Variants in KCNQ1 observed in about 807,000 individuals in gnomAD.
The protein encoded by KCNQ1 is potassium voltage-gated channel subfamily KQT member 1.
KCNQ1 carries 49 observed loss-of-function variants against 72.4 expected under a neutral mutation model. The ratio of observed to expected loss-of-function variants is 0.68; its 90% CI spans 0.54 to 0.86. The LOEUF is 0.86. Among genes scored for constraint, KCNQ1 ranks in the 40% least tolerant of loss-of-function variants. The pLI is 0.00. For synonymous variants in KCNQ1, 450 were observed against 412.6 expected (o/e 1.09, Z -1.10); for missense variants, 790 against 945.1 (o/e 0.84, Z 2.15).
Position 2,494,103 on chromosome 11 carries a change from G to C in KCNQ1, c.387-33825G>C, listed in dbSNP as rs1846874445. ...TATTCCTAGGTATTTTCTTCTCTTT[G>C]TAGCAATTATGAATGGGGATTCACT... On this transcript the variant is annotated intron_variant, in intron 1 of 15. Coordinates refer to ENST00000155840, the MANE Select transcript of KCNQ1 (RefSeq NM_000218.3). The surrounding 1 kb of genome is among the most constrained non-coding windows in gnomAD (Gnocchi z 4.6). 6.6e-6 allele frequency among the ~76,000 whole-genome samples: 1 copy of C among 151,828 alleles called. No homozygotes were observed. Among genetic ancestry groups the C allele is most frequent in the African/African-American group, 2.4e-5 (1 of 41,316 alleles).
rs1267988634 is a variant in KCNQ1 at position 2,783,082 on chromosome 11, T to G, written c.1794+5045T>G. 2.6e-5 allele frequency among the ~76,000 whole-genome samples: 4 copies of G among 152,220 alleles called. No homozygotes were observed. The highest frequency in any genetic ancestry group is 9.6e-5 in the African/African-American group (4 of 41,474). ...TGTCAATCTCATGGCTTTCTAAATT[T>G]TTAAGGTATGCATTTAAGGTTATAA... is the stretch of plus-strand genomic sequence containing the variant. On this transcript the variant is annotated intron_variant, in intron 15 of 15. Coordinates refer to ENST00000155840, the MANE Select transcript of KCNQ1 (RefSeq NM_000218.3). This position sits in a 1 kb window ranked among gnomAD's most constrained non-coding sequence, Gnocchi z 5.2.
At chr11:2,606,630 C>T (rs1390375511) in intron 10 of KCNQ1, among the ~76,000 whole-genome samples, 1 of 152,126 alleles carries the variant, frequency 6.6e-6, no homozygotes, top group Admixed American at 6.5e-5. Context: ...GAACTGTGAG[C>T]CAATTAAAAT....
intron 10 of KCNQ1, chr11:2,629,610 A>G (rs1267967101): frequency 5.0e-6 from 2 of 398,394 alleles, no homozygotes; most frequent in East Asian, 3.6e-5. Context: ...TTGAATGGAC[A>G]TGGCATGCTT....
chr11:2,733,829 C>T lies in KCNQ1; in HGVS notation c.1515-35015C>T, dbSNP rs556723767. On this transcript the variant is annotated intron_variant, in intron 11 of 15. Transcript: ENST00000155840. ...ACACACACACACTCTCTCACTCTCT[C>T]TCTCTCTCTCTCTCTCTCTCTCTCT... 7.6e-3 allele frequency among the ~76,000 whole-genome samples: 271 copies of T among 35,800 alleles called. 3 individuals carry two copies. Among genetic ancestry groups the T allele is most frequent in the Non-Finnish European group, 0.012 (215 of 17,306 alleles). 23.5% of individuals were successfully genotyped at this position (35,800 alleles called of 152,430 possible).
chr11:2,792,442 C>A (rs1157377530), intron 15 of KCNQ1, among the ~76,000 whole-genome samples: 1 of 152,150 alleles, frequency 6.6e-6, no homozygotes, highest in Non-Finnish European at 1.5e-5. Flanking sequence ...AGGTGGAAAG[C>A]GCCAGGTGGA....
At chr11:2,790,070 C>T (rs763027112) in intron 15 of KCNQ1, among the ~76,000 whole-genome samples, 4 of 152,178 alleles carry the variant, frequency 2.6e-5, no homozygotes, top group Non-Finnish European at 4.4e-5. Context: ...CCTTTGACCA[C>T]CAGGTCATGA....
Position 2,663,766 on chromosome 11 carries a change from C to T in KCNQ1, c.1514+1685C>T. 2.5e-6 allele frequency: 1 copy of T among 398,714 alleles called. No homozygotes were observed. Among genetic ancestry groups the T allele is most frequent in the East Asian group, 3.6e-5 (1 of 28,064 alleles). The allele number at this position is 398,714 out of a possible 1,614,324, so 24.7% of individuals were successfully genotyped here. A position where few individuals can be genotyped will look rare whatever the true frequency, so the allele number is the denominator to read the frequency against. The stretch of plus-strand genomic sequence containing the variant: ...AGAGACCAGGCACTTATGTGGATCA[C>T]AGCCAAACTTGCAGCTGCCCAGTAA... On this transcript the variant is annotated intron_variant, in intron 11 of 15. Coordinates refer to ENST00000155840, the MANE Select transcript of KCNQ1 (RefSeq NM_000218.3). The surrounding 1 kb of genome is among the most constrained non-coding windows in gnomAD (Gnocchi z 5.2).
At chr11:2,795,479 T>C (rs1385259299) in intron 15 of KCNQ1, among the ~76,000 whole-genome samples, 2 of 152,212 alleles carry the variant, frequency 1.3e-5, no homozygotes, top group African/African-American at 4.8e-5. Context: ...CACAGAGCAA[T>C]TGCTAAAGAC....
chr11:2,806,264 G>T (rs1847371303), intron 15 of KCNQ1, among the ~76,000 whole-genome samples: 1 of 152,180 alleles, frequency 6.6e-6, no homozygotes, highest in Non-Finnish European at 1.5e-5. Flanking sequence ...AACAGAAAAA[G>T]AGTAAACAAT....
rs1848213642 is a variant in KCNQ1 at position 2,564,165 on chromosome 11, G to T, written c.478-6463G>T. On this transcript the variant is annotated intron_variant, in intron 2 of 15. Coordinates refer to ENST00000155840, the MANE Select transcript of KCNQ1 (RefSeq NM_000218.3). This position sits in a 1 kb window ranked among gnomAD's most constrained non-coding sequence, Gnocchi z 4.5. ...CCATTTCACAGCGTGCAATTTGGTG[G>T]CATTTAGTATGTTCACAAGGCGGTT... is the stretch of plus-strand genomic sequence containing the variant. Among the ~76,000 whole-genome samples the T allele has an allele frequency of 1.3e-5, 2 of 152,224 alleles. No homozygotes were observed. The highest frequency in any genetic ancestry group is 1.3e-4 in the Admixed American group (2 of 15,280).
rs962669049 is a variant in KCNQ1, at chr11:2,687,193, T to C, written c.1514+25112T>C. 5.0e-6 allele frequency: 2 copies of C among 398,518 alleles called. No individual in the cohort carries two copies. The highest frequency in any genetic ancestry group is 7.1e-5 in the East Asian group (2 of 28,090). The allele number at this position is 398,518 out of a possible 1,614,324, so 24.7% of individuals were successfully genotyped here. A position where few individuals can be genotyped will look rare whatever the true frequency, so the allele number is the denominator to read the frequency against. On this transcript the variant is annotated intron_variant, in intron 11 of 15. Transcript: ENST00000155840. This position sits in a 1 kb window ranked among gnomAD's most constrained non-coding sequence, Gnocchi z 5.0. ...AAGTCTGCCAAAAGCCCAGGCTGGA[T>C]AGGGAGCATCACACTGTTGGGAAAT...
intron 1 of KCNQ1, among the ~76,000 whole-genome samples, chr11:2,525,424 A>G (rs1198100069): frequency 1.3e-5 from 2 of 152,246 alleles, no homozygotes; most frequent in Non-Finnish European, 2.9e-5. Context: ...TGTGCGGATT[A>G]TAGTCCCAGA....
intron 1 of KCNQ1, among the ~76,000 whole-genome samples, chr11:2,502,101 G>A (rs567193747): frequency 3.9e-5 from 6 of 152,288 alleles, no homozygotes; most frequent in African/African-American, 1.4e-4. Context: ...ACTGAATGGG[G>A]AAAAACTGAA....
Position 2,659,409 on chromosome 11 carries a change from T to A in KCNQ1, c.1394-2552T>A. The A allele has an allele frequency of 5.0e-6, 2 of 398,642 alleles. No individual in the cohort carries two copies. The highest frequency in any genetic ancestry group is 4.4e-6 in the Non-Finnish European group (1 of 226,050). The allele number at this position is 398,642 out of a possible 1,614,324, so 24.7% of individuals were successfully genotyped here. On this transcript the variant is annotated intron_variant, in intron 10 of 15. Coordinates refer to ENST00000155840, the MANE Select transcript of KCNQ1 (RefSeq NM_000218.3). This position sits in a 1 kb window ranked among gnomAD's most constrained non-coding sequence, Gnocchi z 4.3. ...CTGCTTAGCAAAATGCATTTGAGAT[T>A]CATCCATGTTGTTGCATAAATCATT...
intron 10 of KCNQ1, chr11:2,618,561 G>A (rs967603222): frequency 2.5e-6 from 1 of 398,532 alleles, no homozygotes; most frequent in Non-Finnish European, 4.4e-6. Flanking sequence ...TGGTCTACAT[G>A]TTTGTTTTTT....
intron 10 of KCNQ1, chr11:2,640,020 A>T (rs977656539): frequency 2.5e-5 from 4 of 161,790 alleles, no homozygotes; most frequent in African/African-American, 9.6e-5. Context: ...CGCGGGATAT[A>T]ATCTCCTGGT....
intron 15 of KCNQ1, among the ~76,000 whole-genome samples, chr11:2,794,686 G>T (rs1349381993): frequency 2.6e-5 from 4 of 152,168 alleles, no homozygotes; most frequent in African/African-American, 9.7e-5. Flanking sequence ...AGGTGAGGGT[G>T]TCCTGGAGGA....
intron 1 of KCNQ1, among the ~76,000 whole-genome samples, chr11:2,467,803 A>G (rs1226184608): frequency 6.6e-6 from 1 of 152,186 alleles, no homozygotes; most frequent in East Asian, 1.9e-4. Flanking sequence ...CTGCAGACCC[A>G]GGCCAGGTGG....
In KCNQ1 at chr11:2,713,183, G is replaced by A. The variant is rs1289837882; in HGVS notation, c.1514+51102G>A. On this transcript the variant is annotated intron_variant, in intron 11 of 15. Transcript: ENST00000155840. This position sits in a 1 kb window ranked among gnomAD's most constrained non-coding sequence, Gnocchi z 5.6. The stretch of plus-strand genomic sequence containing the variant: ...GGACCATGCCTGGGATGTGGCTTCC[G>A]TGGACTGAGCAGCCTGGAGCCCCTA... Among the ~76,000 whole-genome samples the A allele has an allele frequency of 6.6e-6, 1 of 152,124 alleles. No homozygotes were observed. The highest frequency in any genetic ancestry group is 6.5e-5 in the Admixed American group (1 of 15,278).
Sources: gnomAD v4.1 joint callset for allele counts (sites outside exome capture counted in the v4.1 genomes callset) on GRCh38, gnomAD v4.1.1 for gene constraint, Gnocchi (gnomAD v3.1) non-coding constraint, MANE v1.5 for transcripts, NCBI Gene and HGNC (gene_info 2026-07-23, HGNC 2026-07-21) for gene names.